Variants in UTRN observed in about 807,000 individuals in gnomAD.
The protein encoded by UTRN is utrophin.
UTRN carries 283 observed loss-of-function variants against 463.9 expected under a neutral mutation model. The observed-to-expected ratio is 0.61, with a 90% CI of 0.55 to 0.67. The LOEUF is 0.67. Ranked by LOEUF, UTRN falls within the 30% of genes least tolerant of loss-of-function variation. The pLI, the probability that UTRN is intolerant of heterozygous loss-of-function variation, is 0.00. For missense variants in UTRN, 3,922 were observed against 4,084.3 expected (o/e 0.96, Z 1.08); for synonymous variants, 1,442 against 1,431.5 (o/e 1.01, Z -0.17).
chr6:144,347,162 G>A (rs1278867928), intron 2 of UTRN, among the ~76,000 whole-genome samples: 1 of 152,176 alleles, frequency 6.6e-6, no homozygotes, highest in Middle Eastern at 3.2e-3. Context: ...CTTGCCTGCT[G>A]ACAGGACTCT....
chr6:144,841,841 G>A (rs1467837918), intron 73 of UTRN, among the ~76,000 whole-genome samples: 1 of 152,060 alleles, frequency 6.6e-6, no homozygotes, highest in East Asian at 1.9e-4. Context: ...GCTGGGCACG[G>A]TGGCTCACAC....
chr6:144,582,797 T>C (rs1340769503), intron 51 of UTRN, among the ~76,000 whole-genome samples: 1 of 152,190 alleles, frequency 6.6e-6, no homozygotes, highest in Non-Finnish European at 1.5e-5. Context: ...AAGTATTTTT[T>C]GTTTTGCTTT....
intron 2 of UTRN, among the ~76,000 whole-genome samples, chr6:144,316,130 A>ACTCACGTCTGTAACCCCACACT (rs1775273112): frequency 6.6e-6 from 1 of 152,144 alleles, no homozygotes; most frequent in Non-Finnish European, 1.5e-5. Flanking sequence ...CAGGAGGATT[A>ACTCACGTCTGTAACCCCACACT]CTTGAGGCCA....
chr6:144,677,080 G>A (rs1431771626), intron 51 of UTRN, among the ~76,000 whole-genome samples: 2 of 152,072 alleles, frequency 1.3e-5, no homozygotes, highest in Non-Finnish European at 2.9e-5. Flanking sequence ...TAAAAAAATT[G>A]AGGAGTCAGT....
intron 53 of UTRN, among the ~76,000 whole-genome samples, chr6:144,716,083 G>A (rs1185607578): frequency 3.3e-5 from 5 of 151,954 alleles, no homozygotes; most frequent in Non-Finnish European, 7.4e-5. Context: ...TAACACAATG[G>A]CACTTTATGC....
Position 144,331,019 on chromosome 6 carries a change from G to A in UTRN, c.79+39112G>A, listed in dbSNP as rs1458463446. The A allele has an allele frequency of 9.1e-6, 9 of 985,262 alleles. 2 individuals are homozygous for A. The highest frequency in any genetic ancestry group is 9.4e-5 in the South Asian group (2 of 21,286). The allele number at this position is 985,262 out of a possible 1,614,324, so 61.0% of individuals were successfully genotyped here. A position where few individuals can be genotyped will look rare whatever the true frequency, so the allele number is the denominator to read the frequency against. The stretch of plus-strand genomic sequence containing the variant: ...GGAGACGGCAGACAGTCACAGGCAG[G>A]TAAAGACTCATTGAGAATGTGGCTA... On this transcript the variant is annotated intron_variant, in intron 2 of 74. Coordinates refer to ENST00000367545, the MANE Select transcript of UTRN (RefSeq NM_007124.3).
intron 62 of UTRN, among the ~76,000 whole-genome samples, chr6:144,791,943 T>C (rs1349121442): frequency 6.6e-6 from 1 of 152,216 alleles, no homozygotes; most frequent in Non-Finnish European, 1.5e-5. Flanking sequence ...CATCAACTTT[T>C]ATTTACTTAA....
At chr6:144,562,420 G>C (rs1281756455) in intron 50 of UTRN, among the ~76,000 whole-genome samples, 1 of 151,954 alleles carries the variant, frequency 6.6e-6, no homozygotes, top group African/African-American at 2.4e-5. Context: ...TGTTCTCATT[G>C]TTGAGCTCAC....
At chr6:144,627,232 T>C (rs1776041501) in intron 51 of UTRN, among the ~76,000 whole-genome samples, 1 of 152,176 alleles carries the variant, frequency 6.6e-6, no homozygotes, top group Non-Finnish European at 1.5e-5. Flanking sequence ...AGTTGTGCTT[T>C]GCACAAGGGC....
intron 43 of UTRN, among the ~76,000 whole-genome samples, chr6:144,536,442 GTATT>G (rs1797540488): frequency 6.6e-6 from 1 of 151,982 alleles, no homozygotes; most frequent in African/African-American, 2.4e-5. Context: ...TGCTGTTGCT[GTATT>G]TATTTATTTT....
intron 55 of UTRN, among the ~76,000 whole-genome samples, chr6:144,750,774 G>C (rs1477550280): frequency 6.6e-6 from 1 of 151,984 alleles, no homozygotes; most frequent in Non-Finnish European, 1.5e-5. Context: ...AATTAATTCT[G>C]TCTCTCTTGG....
chr6:144,812,143 T>C (rs1586672920), intron 65 of UTRN, among the ~76,000 whole-genome samples: 1 of 152,168 alleles, frequency 6.6e-6, no homozygotes, highest in Non-Finnish European at 1.5e-5. Flanking sequence ...ATATTTTCTG[T>C]TTTGTTTTGT....
Position 144,537,658 on chromosome 6 carries a change from G to A in UTRN, c.6310G>A (p.Glu2104Lys). The change falls in exon 44 of 75, where the codon GAG becomes AAG. Residue 2104 changes from glutamate to lysine, a missense_variant. By Grantham distance (56) the Glu-to-Lys change is moderately conservative. Coordinates refer to ENST00000367545, the MANE Select transcript of UTRN (RefSeq NM_007124.3). ...GATTATCTGTTGGTTAACAAAGGCT[G>A]AGCATGCTATGCAAAAGAGATCAAC... ...DEIICWLTKA[E>K]HAMQKRSTTE... 6.2e-7 allele frequency: 1 copy of A among 1,612,652 alleles called. No homozygotes were observed. The highest frequency in any genetic ancestry group is 8.5e-7 in the Non-Finnish European group (1 of 1,179,444).
chr6:144,360,859 C>A (rs974847189), intron 2 of UTRN, among the ~76,000 whole-genome samples: 1 of 152,064 alleles, frequency 6.6e-6, no homozygotes, highest in African/African-American at 2.4e-5. Flanking sequence ...TCTCTACTCC[C>A]TAGCAGTGTT....
chr6:144,632,913 G>T (rs191494527), intron 51 of UTRN, among the ~76,000 whole-genome samples: 2,202 of 151,606 alleles, frequency 0.015, 66 homozygotes, highest in African/African-American at 0.051. Context: ...TAGAGACAGG[G>T]TTTCTCCATG....
chr6:144,400,193 A>G (rs1414324784), intron 2 of UTRN, among the ~76,000 whole-genome samples: 1 of 152,208 alleles, frequency 6.6e-6, no homozygotes, highest in African/African-American at 2.4e-5. Context: ...ACATTTAGAG[A>G]AGGTGTATAT....
intron 51 of UTRN, among the ~76,000 whole-genome samples, chr6:144,622,887 A>C (rs1775576958): frequency 6.6e-6 from 1 of 152,214 alleles, no homozygotes. Context: ...ATTCTGGATC[A>C]CCTTTGTTTT....
chr6:144,304,702 G>A (rs1179520931), intron 2 of UTRN, among the ~76,000 whole-genome samples: 3 of 152,154 alleles, frequency 2.0e-5, no homozygotes, highest in Admixed American at 6.5e-5. Context: ...GCTAAAGCAG[G>A]ATGCTGGAGA....
intron 37 of UTRN, among the ~76,000 whole-genome samples, chr6:144,515,932 G>A (rs934190574): frequency 6.6e-6 from 1 of 152,174 alleles, no homozygotes; most frequent in Admixed American, 6.5e-5. Flanking sequence ...CATGGCCATA[G>A]TTTCCTGCTA....
Sources: allele counts gnomAD v4.1 joint callset (sites outside exome capture counted in the v4.1 genomes callset), GRCh38; gene constraint gnomAD v4.1.1; transcripts MANE v1.5; gene names NCBI Gene and HGNC (gene_info 2026-07-23, HGNC 2026-07-21).